FAM185A: variants seen among roughly 807,000 people sequenced by gnomAD.
The protein encoded by FAM185A is protein FAM185A.
In FAM185A, 21 loss-of-function variants were observed where a neutral mutation model predicts 45.7. The ratio of observed to expected loss-of-function variants is 0.46; its 90% CI spans 0.33 to 0.66. The LOEUF (loss-of-function observed/expected upper bound fraction) is 0.66, where lower values mean the gene tolerates loss of function less well. FAM185A is among the 30% of genes least tolerant of loss of function. FAM185A has a pLI of 0.03. For missense variants in FAM185A, 305 were observed against 485.4 expected (o/e 0.63, Z 3.49); for synonymous variants, 117 against 194.0 (o/e 0.60, Z 3.30).
intron 7 of FAM185A, among the ~76,000 whole-genome samples, chr7:102,789,916 T>G (rs1381862286): frequency 6.6e-6 from 1 of 152,202 alleles, no homozygotes; most frequent in African/African-American, 2.4e-5. Context: ...TAGTCTAGGC[T>G]TTTACTGGGT....
chr7:102,807,545 C>A lies in FAM185A; in HGVS notation c.1067-745C>A, dbSNP rs369902556. On this transcript the variant is annotated intron_variant, in intron 7 of 7. Coordinates refer to ENST00000413034, the MANE Select transcript of FAM185A (RefSeq NM_001145268.2). ...CAACTAGTATGTCTTCTCCAATATT[C>A]AAAAAAAAAAAATCTGAAATTTGAA... Among the ~76,000 whole-genome samples, 975 of 129,606 alleles carry A rather than the reference C, an allele frequency of 7.5e-3. 14 individuals are homozygous for A. Among genetic ancestry groups the A allele is most frequent in the African/African-American group, 0.024 (925 of 38,058 alleles). 85.0% of individuals were successfully genotyped at this position (129,606 alleles called of 152,430 possible).
intron 6 of FAM185A, among the ~76,000 whole-genome samples, chr7:102,786,848 C>T (rs535913943): frequency 1.3e-5 from 2 of 149,198 alleles, no homozygotes; most frequent in Non-Finnish European, 3.0e-5. Flanking sequence ...AAAACATGGG[C>T]TTTGTAATTA....
At chr7:102,823,819 C>T in the FAM185A span, among the ~76,000 whole-genome samples, 4,443 of 152,238 alleles carry the variant, frequency 0.029, 185 homozygotes, top group East Asian at 0.16. Flanking sequence ...AGAGACGTTG[C>T]CATTGTCTAA....
chr7:102,824,230 C>A, the FAM185A span, among the ~76,000 whole-genome samples: 1 of 152,118 alleles, frequency 6.6e-6, no homozygotes, highest in Non-Finnish European at 1.5e-5. Flanking sequence ...CCTCATTGGG[C>A]AGATTATGTT....
intron 7 of FAM185A, among the ~76,000 whole-genome samples, chr7:102,790,775 C>T (rs1258207718): frequency 1.3e-5 from 2 of 152,176 alleles, no homozygotes; most frequent in Non-Finnish European, 2.9e-5. Context: ...AAACCAGTGC[C>T]ACCTAAAACT....
At chr7:102,803,242 A>C (rs80313245) in intron 7 of FAM185A, among the ~76,000 whole-genome samples, 31,272 of 152,128 alleles carry the variant, frequency 0.21, 3,840 homozygotes, top group East Asian at 0.6. Flanking sequence ...AGAAAACTAC[A>C]GGCTGATATC....
chr7:102,817,295 C>G, the FAM185A span, among the ~76,000 whole-genome samples: 1 of 152,034 alleles, frequency 6.6e-6, no homozygotes, highest in East Asian at 1.9e-4. Flanking sequence ...TAATAATAGC[C>G]ATTCTGATTG....
intron 3 of FAM185A, among the ~76,000 whole-genome samples, chr7:102,759,504 AAAAT>A (rs1793982308): frequency 7.7e-6 from 1 of 129,924 alleles, no homozygotes; most frequent in Non-Finnish European, 1.7e-5. Flanking sequence ...TATAAAACAT[AAAAT>A]AAATACTTGT....
the FAM185A span, among the ~76,000 whole-genome samples, chr7:102,819,897 G>C: frequency 6.6e-6 from 1 of 152,184 alleles, no homozygotes; most frequent in Non-Finnish European, 1.5e-5. Flanking sequence ...AAACGAAGCT[G>C]CTCCATAGAG....
At chr7:102,778,888 G>C (rs1293820980) in intron 6 of FAM185A, among the ~76,000 whole-genome samples, 4 of 152,170 alleles carry the variant, frequency 2.6e-5, no homozygotes, top group African/African-American at 9.7e-5. Context: ...TTCCAACTCT[G>C]CCACTGTCTT....
intron 7 of FAM185A, among the ~76,000 whole-genome samples, chr7:102,805,518 T>A (rs913500665): frequency 6.7e-6 from 1 of 148,292 alleles, no homozygotes; most frequent in African/African-American, 2.5e-5. Context: ...CAATGGACTT[T>A]GGGGACGTGG....
At chr7:102,759,056 T>C (rs568754178) in intron 3 of FAM185A, among the ~76,000 whole-genome samples, 18 of 152,240 alleles carry the variant, frequency 1.2e-4, no homozygotes, top group African/African-American at 2.4e-4. Flanking sequence ...TAGGAAAGTG[T>C]TGAAAGACAC....
At chr7:102,797,065 G>C (rs1253972102) in intron 7 of FAM185A, among the ~76,000 whole-genome samples, 1 of 152,182 alleles carries the variant, frequency 6.6e-6, no homozygotes, top group Non-Finnish European at 1.5e-5. Context: ...AAATTTAGTG[G>C]ATAGGCATCA....
Position 102,787,468 on chromosome 7 carries a change from T to G in FAM185A, c.1065T>G (p.Thr355=), listed in dbSNP as rs1198838717. Residue 355 remains threonine (T), a splice_region_variant and synonymous_variant, in exon 7 of 8, where the codon ACT becomes ACG. Coordinates refer to ENST00000413034, the MANE Select transcript of FAM185A (RefSeq NM_001145268.2). The part of the protein sequence containing the change: ...EVRKDDVVTV[T]GLMNQASKRE... ...GTAAAGATGATGTTGTAACAGTGAC[T>G]GGTAAGGAGGCTGCATTTTGCTCTG... 20 of 1,479,152 alleles carry G rather than the reference T, an allele frequency of 1.4e-5. No individual in the cohort carries two copies. The highest frequency in any genetic ancestry group is 1.7e-4 in the Middle Eastern group (1 of 5,730). 91.6% of individuals were successfully genotyped at this position (1,479,152 alleles called of 1,614,324 possible). A position where few individuals can be genotyped will look rare whatever the true frequency, so the allele number is the denominator to read the frequency against.
chr7:102,832,095 G>C, the FAM185A span, among the ~76,000 whole-genome samples: 1 of 152,122 alleles, frequency 6.6e-6, no homozygotes, highest in East Asian at 1.9e-4. Flanking sequence ...AAATACCAGC[G>C]ATGGTTATGT....
chr7:102,807,627 A>T (rs965593468), intron 7 of FAM185A, among the ~76,000 whole-genome samples: 10 of 152,106 alleles, frequency 6.6e-5, no homozygotes, highest in African/African-American at 2.4e-4. Flanking sequence ...CAAATAAAAA[A>T]CAGAGGTCAG....
the FAM185A span, among the ~76,000 whole-genome samples, chr7:102,815,712 C>T: frequency 6.6e-6 from 1 of 151,968 alleles, no homozygotes; most frequent in African/African-American, 2.4e-5. Context: ...TTACATCTTA[C>T]CTTAATGTCA....
chr7:102,793,984 G>A (rs1796293556), intron 7 of FAM185A, among the ~76,000 whole-genome samples: 1 of 144,106 alleles, frequency 6.9e-6, no homozygotes, highest in Non-Finnish European at 1.5e-5. Context: ...AGATTGCAGT[G>A]AGCCGAGATC....
chr7:102,776,283 G>A (rs1348250826), intron 5 of FAM185A, among the ~76,000 whole-genome samples: 1 of 151,428 alleles, frequency 6.6e-6, no homozygotes, highest in East Asian at 1.9e-4. Context: ...CAGTCAGATA[G>A]AATATTAAAT....
Sources: gnomAD v4.1 joint callset for allele counts (sites outside exome capture counted in the v4.1 genomes callset) on GRCh38, gnomAD v4.1.1 for gene constraint, MANE v1.5 for transcripts, NCBI Gene and HGNC (gene_info 2026-07-23, HGNC 2026-07-21) for gene names.